AGMO: variants seen among roughly 807,000 people sequenced by gnomAD.
AGMO encodes alkylglycerol monooxygenase.
Under a neutral mutation model 60.2 loss-of-function variants are expected in AGMO, and 75 were observed. The ratio of observed to expected loss-of-function variants is 1.25; its 90% confidence interval spans 1.03 to 1.51. AGMO has a LOEUF of 1.51. Ranked by LOEUF, AGMO falls within the 40% of genes most tolerant of loss-of-function variation. The pLI is 0.00. For synonymous variants in AGMO, 261 were observed against 177.1 expected (o/e 1.47, Z -3.76); for missense variants, 763 against 525.5 (o/e 1.45, Z -4.42).
chr7:15,508,207 T>G (rs187831494), intron 3 of AGMO, among the ~76,000 whole-genome samples: 1 of 152,248 alleles, frequency 6.6e-6, no homozygotes, highest in Admixed American at 6.5e-5. Context: ...AAAATAATAA[T>G]ACTTGTGAGG....
intron 3 of AGMO, among the ~76,000 whole-genome samples, chr7:15,479,234 G>C (rs556195108): frequency 2.4e-4 from 36 of 152,284 alleles, no homozygotes; most frequent in Middle Eastern, 3.4e-3. Flanking sequence ...TGTGATAACA[G>C]AGTTGAAGGT....
At chr7:15,453,394 C>T (rs1781906483) in intron 3 of AGMO, among the ~76,000 whole-genome samples, 2 of 152,136 alleles carry the variant, frequency 1.3e-5, no homozygotes, top group African/African-American at 4.8e-5. Context: ...TAGATGACTG[C>T]CTCTTGCCTT....
At chr7:15,477,436 C>G (rs1194946076) in intron 3 of AGMO, among the ~76,000 whole-genome samples, 2 of 152,080 alleles carry the variant, frequency 1.3e-5, no homozygotes, top group African/African-American at 4.8e-5. Flanking sequence ...AAAATACATT[C>G]AACAAAGCAG....
chr7:15,152,616 TACTTA>T, the AGMO span, among the ~76,000 whole-genome samples: 5 of 152,150 alleles, frequency 3.3e-5, no homozygotes, highest in Admixed American at 2.0e-4. Context: ...ATTCCCGAGT[TACTTA>T]ACTTAAAATA....
intron 10 of AGMO, among the ~76,000 whole-genome samples, chr7:15,369,620 C>G (rs1483692037): frequency 1.3e-5 from 2 of 152,124 alleles, no homozygotes; most frequent in African/African-American, 4.8e-5. Flanking sequence ...CCATAACTCT[C>G]TGTAACCATT....
At chr7:15,130,102 G>C in the AGMO span, among the ~76,000 whole-genome samples, 1 of 152,038 alleles carries the variant, frequency 6.6e-6, no homozygotes, top group East Asian at 1.9e-4. Context: ...TTGGGCATAT[G>C]AATCAAACTA....
chr7:15,555,281 A>ATG (rs1156326092), intron 2 of AGMO, among the ~76,000 whole-genome samples: 1 of 98,676 alleles, frequency 1.0e-5, no homozygotes, highest in African/African-American at 7.1e-5. Context: ...ATATATATAT[A>ATG]TATATATATA....
chr7:15,463,851 T>C (rs1195056059), intron 3 of AGMO, among the ~76,000 whole-genome samples: 2 of 152,212 alleles, frequency 1.3e-5, no homozygotes, highest in Non-Finnish European at 2.9e-5. Flanking sequence ...CAAACAATTA[T>C]GGCTTGGAAA....
chr7:15,359,667 G>C (rs892236200), intron 12 of AGMO, among the ~76,000 whole-genome samples: 1 of 152,098 alleles, frequency 6.6e-6, no homozygotes, highest in Admixed American at 6.6e-5. Flanking sequence ...CCTAAAATAC[G>C]TCAACAACTA....
intron 12 of AGMO, among the ~76,000 whole-genome samples, chr7:15,331,200 G>A (rs746773731): frequency 2.0e-5 from 3 of 152,222 alleles, no homozygotes; most frequent in East Asian, 1.9e-4. Context: ...TCGTCCCCAG[G>A]CAAGAAAGAA....
intron 12 of AGMO, among the ~76,000 whole-genome samples, chr7:15,314,497 C>G (rs1190654825): frequency 6.6e-6 from 1 of 152,068 alleles, no homozygotes; most frequent in Non-Finnish European, 1.5e-5. Flanking sequence ...TTATATTGTA[C>G]TTTAAATCAC....
At chr7:15,231,801 C>T (rs561653171) in intron 12 of AGMO, among the ~76,000 whole-genome samples, 2 of 152,182 alleles carry the variant, frequency 1.3e-5, no homozygotes, top group South Asian at 2.1e-4. Context: ...TTCTTTTGCA[C>T]CTGTTTTCAT....
intron 3 of AGMO, among the ~76,000 whole-genome samples, chr7:15,495,063 T>C (rs747924154): frequency 6.6e-6 from 1 of 152,250 alleles, no homozygotes; most frequent in African/African-American, 2.4e-5. Flanking sequence ...ACCTGAATTA[T>C]GACTTTTCAT....
chr7:15,187,504 T>C, the AGMO span, among the ~76,000 whole-genome samples: 2 of 152,204 alleles, frequency 1.3e-5, no homozygotes, highest in African/African-American at 4.8e-5. Context: ...TTCATCACGT[T>C]AGTCATAAAA....
intron 3 of AGMO, among the ~76,000 whole-genome samples, chr7:15,473,257 T>C (rs879122387): frequency 3.3e-5 from 5 of 151,794 alleles, no homozygotes; most frequent in Non-Finnish European, 7.4e-5. Flanking sequence ...CAGTAATTAA[T>C]ACCCTACCAA....
intron 3 of AGMO, among the ~76,000 whole-genome samples, chr7:15,481,396 G>A (rs1259299438): frequency 6.6e-6 from 1 of 152,014 alleles, no homozygotes; most frequent in Non-Finnish European, 1.5e-5. Flanking sequence ...AGCTTAACAT[G>A]AAGAAGAGCT....
At chr7:15,519,261 A>G (rs1344556556) in intron 3 of AGMO, among the ~76,000 whole-genome samples, 2 of 152,126 alleles carry the variant, frequency 1.3e-5, no homozygotes, top group Non-Finnish European at 2.9e-5. Flanking sequence ...GAACTTCCAC[A>G]ACCCACCAAG....
rs1435872888 is a variant in AGMO at position 15,406,589 on chromosome 7, C to T, written c.609+11969G>A. 5.4e-5 allele frequency among the ~76,000 whole-genome samples: 6 copies of T among 111,742 alleles called. 1 individual carries two copies. Among genetic ancestry groups the T allele is most frequent in the Admixed American group, 9.7e-5 (1 of 10,346 alleles). The allele number at this position is 111,742 out of a possible 152,430, so 73.3% of individuals were successfully genotyped here. On this transcript the variant is annotated intron_variant, in intron 5 of 12. Coordinates refer to ENST00000342526, the MANE Select transcript of AGMO (RefSeq NM_001004320.2). Reference sequence around the variant, plus strand: ...ACACACACACACACACACACACACACGTATATTCCATATAAGTACACATGT... The same window carrying T: ...ACACACACACACACACACACACACATGTATATTCCATATAAGTACACATGT...
intron 5 of AGMO, among the ~76,000 whole-genome samples, chr7:15,394,736 G>C (rs188816808): frequency 9.2e-5 from 14 of 152,264 alleles, no homozygotes; most frequent in Non-Finnish European, 1.8e-4. Flanking sequence ...CAGCCATGCA[G>C]CAACGACTTA....
Sources: allele counts gnomAD v4.1 joint callset (sites outside exome capture counted in the v4.1 genomes callset), GRCh38; gene constraint gnomAD v4.1.1; transcripts MANE v1.5; gene names NCBI Gene and HGNC (gene_info 2026-07-23, HGNC 2026-07-21).